UTP20: variants seen among roughly 807,000 people sequenced by gnomAD.
UTP20 encodes the protein UTP20 small subunit processome component.
UTP20 carries 164 observed loss-of-function variants against 329.5 expected under a neutral mutation model. The ratio of observed to expected loss-of-function variants is 0.50; its 90% CI spans 0.44 to 0.57. UTP20 has a LOEUF of 0.57. UTP20 is among the 20% of genes least tolerant of loss of function. UTP20 has a pLI of 0.00. For missense variants in UTP20, 3,055 were observed against 3,284.2 expected, an observed-to-expected ratio of 0.93 and a Z score of 1.71; for synonymous variants, 1,151 against 1,159.3, an observed-to-expected ratio of 0.99 and a Z score of 0.14.
In UTP20 at chr12:101,386,271, G is replaced by A. The variant is rs1183604982; in HGVS notation, c.*148G>A. ...GTCACCCAAGGTGGAGTGCAGTGAC[G>A]ACATCACAGCTCACTGCAGCCTCAA... is the stretch of plus-strand genomic sequence containing the variant. On this transcript the variant is annotated 3_prime_UTR_variant, in exon 62 of 62. Transcript: ENST00000261637. The A allele has an allele frequency of 3.4e-5, 23 of 670,076 alleles. No individual in the cohort carries two copies. The highest frequency in any genetic ancestry group is 6.7e-5 in the Admixed American group (2 of 29,910). 41.5% of individuals were successfully genotyped at this position (670,076 alleles called of 1,614,324 possible).
chr12:101,303,673 G>A (rs1648879143), intron 15 of UTP20, among the ~76,000 whole-genome samples: 2 of 152,166 alleles, frequency 1.3e-5, no homozygotes, highest in Admixed American at 1.3e-4. Flanking sequence ...ACCTCCTTAG[G>A]TCACCGTAGG....
intron 17 of UTP20, 101 bp downstream of exon 17, chr12:101,306,862 TAAATATCTGTCGTA>T (rs1199508580): frequency 8.5e-7 from 1 of 1,176,566 alleles, no homozygotes; most frequent in Non-Finnish European, 1.2e-6. Flanking sequence ...ACACACTATA[TAAATATCTGTCGTA>T]AAAATTGATT....
At position 101,354,930 on chromosome 12, in the gene UTP20, A is replaced by C. The variant is rs1363560163; in HGVS notation, c.5206A>C (p.Asn1736His). ...KEYTCKSLSD[N>H]GQPGTPDPAD... ...ATATACATGCAAGAGTTTGTCAGAC[A>C]ACGGACAACCGGGAACCCCTGATCC... The change falls in exon 41 of 62, where the codon AAC (asparagine) becomes CAC (histidine). Residue 1736 changes from asparagine to histidine, a missense_variant. Physicochemically the swap from Asn to His is moderately conservative, Grantham distance 68. This residue lies in a region of UTP20 where 2,445 missense variants were observed against 2,575.5 expected (regional missense o/e 0.95). Transcript: ENST00000261637. 1 of 1,614,112 alleles carries C rather than the reference A, an allele frequency of 6.2e-7. No homozygotes were observed. The highest frequency in any genetic ancestry group is 8.5e-7 in the Non-Finnish European group (1 of 1,180,038).
At chr12:101,302,355 C>T in intron 14 of UTP20, 93 bp from the exon 15 acceptor site, 1 of 727,118 alleles carries the variant, frequency 1.4e-6, no homozygotes, top group Non-Finnish European at 2.3e-6. Flanking sequence ...AAGAACTTCC[C>T]ATAAGTAGCA....
rs1012291517 is a variant in UTP20, at chr12:101,293,206, T to G, written c.1212T>G (p.Ser404Arg). The G allele has an allele frequency of 1.9e-6, 3 of 1,614,096 alleles. No homozygotes were observed. The highest frequency in any genetic ancestry group is 2.5e-6 in the Non-Finnish European group (3 of 1,180,014). Residue 404 changes from serine (S) to arginine (R), a missense_variant, in exon 11 of 62, where the codon AGT becomes AGG. Physicochemically the swap from Ser to Arg is moderately radical, Grantham distance 110. This residue lies in a region of UTP20 where 2,445 missense variants were observed against 2,575.5 expected (regional missense o/e 0.95). Coordinates refer to ENST00000261637, the MANE Select transcript of UTP20 (RefSeq NM_014503.3). ...GATTTGAAAAACGTTTAATTTTCAGTTTTTCTGAAGTCATGTTTGCCATGA... is the reference window on the plus strand; with the variant it reads ...GATTTGAAAAACGTTTAATTTTCAGGTTTTCTGAAGTCATGTTTGCCATGA... ...ESRFEKRLIF[S>R]FSEVMFAMKQ... is the part of the protein sequence containing the mutation.
intron 26 of UTP20, among the ~76,000 whole-genome samples, chr12:101,327,570 C>T (rs1868610033): frequency 6.6e-6 from 1 of 152,168 alleles, no homozygotes; most frequent in Non-Finnish European, 1.5e-5. Flanking sequence ...CTAAGAAATT[C>T]AAAGCACACT....
intron 14 of UTP20, 53 bp downstream of exon 14, chr12:101,300,114 G>A (rs36020087): frequency 0.15 from 235,257 of 1,526,974 alleles, 19,803 homozygotes; most frequent in Middle Eastern, 0.18. Context: ...CACACTCAAA[G>A]TAATTGTAAA....
intron 42 of UTP20, 115 bp downstream of exon 42, chr12:101,356,808 G>C: frequency 6.8e-7 from 1 of 1,478,172 alleles, no homozygotes; most frequent in Non-Finnish European, 9.1e-7. Context: ...AACTTGCTGT[G>C]GTTTCGAATA....
chr12:101,338,212 C>T lies in UTP20; in HGVS notation c.3803C>T (p.Thr1268Ile), dbSNP rs752232067. ...DLLNLPDFEP[T>I]ETVLNLLVTG... ...CTTAACCTTCCAGATTTCGAGCCTA[C>T]AGAAACAGTTTTGAACTTGCTGGTA... Residue 1268 changes from threonine to isoleucine, a missense_variant, in exon 30 of 62, where the codon ACA (threonine) becomes ATA (isoleucine). Thr to Ile is a moderately conservative substitution (Grantham distance 89, BLOSUM62 -1). Coordinates refer to ENST00000261637, the MANE Select transcript of UTP20 (RefSeq NM_014503.3). 29 of 1,613,982 alleles carry T rather than the reference C, an allele frequency of 1.8e-5. No individual in the cohort carries two copies. The highest frequency in any genetic ancestry group is 1.6e-4 in the Middle Eastern group (1 of 6,082).
At chr12:101,341,640 C>G (rs1488388544) in intron 32 of UTP20, among the ~76,000 whole-genome samples, 1 of 152,188 alleles carries the variant, frequency 6.6e-6, no homozygotes, top group Non-Finnish European at 1.5e-5. Context: ...GGCACAGTGG[C>G]TCACGCCTGT....
In UTP20 at chr12:101,354,854, A is replaced by G. The variant is rs1869663837; in HGVS notation, c.5130A>G (p.Leu1710=). The change falls in exon 41 of 62, where the codon TTA becomes TTG. Residue 1710 remains leucine, a synonymous_variant. Transcript: ENST00000261637. The part of the protein sequence containing the change: ...NEENAIEAIE[L]PEPEAMELER... The stretch of plus-strand genomic sequence containing the variant: ...TAGACGCAATTGAAGCAATTGAGTT[A>G]CCAGAGCCTGAGGCCATGGAATTAG... 1 of 1,613,716 alleles carries G rather than the reference A, an allele frequency of 6.2e-7. No individual in the cohort carries two copies.
At chr12:101,342,369 G>C in intron 32 of UTP20, 77 bp from the exon 33 acceptor site, 1 of 1,160,562 alleles carries the variant, frequency 8.6e-7, no homozygotes, top group Non-Finnish European at 1.2e-6. Context: ...TGTTTTCTAT[G>C]CTATAATATA....
Position 101,308,356 on chromosome 12 carries a change from T to C in UTP20, c.2154+13T>C, listed in dbSNP as rs548825616. 1.4e-6 allele frequency: 2 copies of C among 1,420,610 alleles called. No individual in the cohort carries two copies. The allele number at this position is 1,420,610 out of a possible 1,614,324, so 88.0% of individuals were successfully genotyped here. A position where few individuals can be genotyped will look rare whatever the true frequency, so the allele number is the denominator to read the frequency against. On this transcript the variant is annotated intron_variant, in intron 18 of 61. Transcript: ENST00000261637. The stretch of plus-strand genomic sequence containing the variant: ...GCCGTTACAGGAGGTAAAAATAGTG[T>C]TCTTTTATTTTTCCTTTTTAATTCA...
rs1870225205 is a variant in UTP20, at chr12:101,369,841, C to T, written c.6505C>T (p.Leu2169Phe). 1.2e-6 allele frequency: 2 copies of T among 1,614,048 alleles called. No individual in the cohort carries two copies. Among genetic ancestry groups the T allele is most frequent in the Non-Finnish European group, 8.5e-7 (1 of 1,180,004 alleles). ...CCTTCTGCTGAAGGACTATGCAAAG[C>T]TCGGGGCCGCCAGGGGCCAGAACTT... ...LFLLLKDYAK[L>F]GAARGQNFHL... The change falls in exon 49 of 62, where the codon CTC (leucine) becomes TTC (phenylalanine). Residue 2169 changes from leucine (L) to phenylalanine (F), a missense_variant. By Grantham distance (22) the Leu-to-Phe change is conservative. Transcript: ENST00000261637.
intron 44 of UTP20, 45 bp from the exon 45 acceptor site, chr12:101,363,531 C>A: frequency 6.4e-7 from 1 of 1,562,762 alleles, no homozygotes; most frequent in Non-Finnish European, 8.7e-7. Flanking sequence ...GTTGGCATAT[C>A]TTGCTGAGTG....
In UTP20 at chr12:101,373,852, T is replaced by C. The variant is rs1290672544; in HGVS notation, c.7131+85T>C. On this transcript the variant is annotated intron_variant, in intron 54 of 61. Transcript: ENST00000261637. ...AAGTAAGAATATATGTCATACACTGTTGAATTGGTTTTTTTCCCAAATAGT... is the reference window on the plus strand; with the variant it reads ...AAGTAAGAATATATGTCATACACTGCTGAATTGGTTTTTTTCCCAAATAGT... 4 of 1,424,550 alleles carry C rather than the reference T, an allele frequency of 2.8e-6. No homozygotes were observed. The East Asian group carries it at 9.5e-5, about 34-fold the overall frequency. The allele number at this position is 1,424,550 out of a possible 1,614,324, so 88.2% of individuals were successfully genotyped here. A position where few individuals can be genotyped will look rare whatever the true frequency, so the allele number is the denominator to read the frequency against.
chr12:101,309,657 T>A, intron 18 of UTP20, 106 bp from the exon 19 acceptor site: 1 of 1,102,436 alleles, frequency 9.1e-7, no homozygotes, highest in Admixed American at 2.4e-5. Flanking sequence ...CGCACAGGCT[T>A]CTTTCCAAAC....
chr12:101,339,291 C>T (rs941838644), intron 31 of UTP20, among the ~76,000 whole-genome samples: 13 of 151,730 alleles, frequency 8.6e-5, no homozygotes, highest in Admixed American at 3.9e-4. Flanking sequence ...CCAGCCTGGG[C>T]GACAGAGTGA....
chr12:101,324,480 G>A (rs1351155689), intron 25 of UTP20, among the ~76,000 whole-genome samples: 3 of 152,036 alleles, frequency 2.0e-5, no homozygotes, highest in African/African-American at 7.2e-5. Context: ...TGTTGTCCCG[G>A]CTGGTCTCAA....
Sources: allele counts gnomAD v4.1 joint callset (sites outside exome capture counted in the v4.1 genomes callset), GRCh38; gene constraint gnomAD v4.1.1; regional missense constraint gnomAD v4.1.1; transcripts MANE v1.5; gene names NCBI Gene and HGNC (gene_info 2026-07-23, HGNC 2026-07-21).